Variants in CETN2 observed in about 807,000 individuals in gnomAD.
CETN2 encodes centrin 2, also known as centrin-2.
In CETN2, 2 loss-of-function variants were observed where a neutral mutation model predicts 12.6. That is an observed-to-expected ratio of 0.16 (90% CI 0.07 to 0.50). The LOEUF (loss-of-function observed/expected upper bound fraction) is 0.50, where lower values mean the gene tolerates loss of function less well. Among genes scored for constraint, CETN2 ranks in the 20% least tolerant of loss-of-function variants. The pLI is 0.96. For synonymous variants in CETN2, 41 were observed against 43.4 expected (o/e 0.94, Z 0.22); for missense variants, 81 against 128.3 (o/e 0.63, Z 1.78).
In CETN2 at chrX:152,827,952, G is replaced by A. The variant is rs782790921; in HGVS notation, c.430-22C>T. On this transcript the variant is annotated intron_variant, in intron 4 of 4. Transcript: ENST00000370277. Reference sequence around the variant, plus strand: ...TTTCCTATATGACAGTAAAGATTCAGGTTAATTTATAAACTAATGCCAAAA... The same window carrying A: ...TTTCCTATATGACAGTAAAGATTCAAGTTAATTTATAAACTAATGCCAAAA... 3.4e-6 allele frequency: 4 copies of A among 1,163,814 alleles called. No individual in the cohort carries two copies. In the Admixed American group the frequency reaches 9.1e-5, roughly 26 times the overall value.
chrX:152,830,726 C>G lies in CETN2; in HGVS notation c.-16G>C. 1.7e-6 allele frequency: 2 copies of G among 1,170,739 alleles called. No homozygotes were observed. Among genetic ancestry groups the G allele is most frequent in the Non-Finnish European group, 2.3e-6 (2 of 875,017 alleles). ...CACTCACCATAGCCAAAGGAGTCCG[C>G]TGCCGGTTGTTAGGCAACCGACGTG... is the stretch of plus-strand genomic sequence containing the variant. On this transcript the variant is annotated 5_prime_UTR_variant, in exon 1 of 5. Transcript: ENST00000370277.
chrX:152,829,090 C>A, intron 3 of CETN2, 59 bp downstream of exon 3: 1 of 1,175,024 alleles, frequency 8.5e-7, no homozygotes, highest in Non-Finnish European at 1.1e-6. Context: ...CAGGAAGACG[C>A]CATGGACCTC....
At chrX:152,829,443 TACTC>T (rs1556843044) in intron 2 of CETN2, among the ~76,000 whole-genome samples, 155 bp downstream of exon 2, 1 of 111,860 alleles carries the variant, frequency 8.9e-6, no homozygotes, top group Non-Finnish European at 1.9e-5. Context: ...TATTGAATAA[TACTC>T]AAAGTAAGTA....
At chrX:152,830,117 C>G (rs1277440312) in intron 1 of CETN2, among the ~76,000 whole-genome samples, 1 of 112,435 alleles carries the variant, frequency 8.9e-6, no homozygotes, top group Non-Finnish European at 1.9e-5. Context: ...AACAGTCTTA[C>G]GATGCCCACT....
intron 1 of CETN2, 27 bp from the exon 2 acceptor site, chrX:152,829,787 A>G (rs1556843107): frequency 4.4e-6 from 5 of 1,123,603 alleles, no homozygotes; most frequent in South Asian, 2.1e-5. Context: ...ATACACAAGC[A>G]CAATAATATA....
chrX:152,830,682 G>A (rs1479547282), intron 1 of CETN2, 26 bp downstream of exon 1: 2 of 1,177,293 alleles, frequency 1.7e-6, no homozygotes, highest in African/African-American at 1.8e-5. Context: ...GCTGGGCGTG[G>A]GGCGCGACAG....
intron 1 of CETN2, among the ~76,000 whole-genome samples, chrX:152,830,389 G>C (rs1451749261): frequency 1.8e-5 from 2 of 113,340 alleles, no homozygotes; most frequent in Non-Finnish European, 3.7e-5. Flanking sequence ...GGAGGCCAGG[G>C]GGCCAAGGTC....
At chrX:152,829,863 T>C (rs868985946) in intron 1 of CETN2, 103 bp from the exon 2 acceptor site, 2 of 650,348 alleles carry the variant, frequency 3.1e-6, no homozygotes, top group African/African-American at 4.4e-5. Flanking sequence ...GTCATTTATA[T>C]AACCAATTCC....
At chrX:152,829,039 G>T in intron 3 of CETN2, 110 bp downstream of exon 3, 7 of 936,404 alleles carry the variant, frequency 7.5e-6, no homozygotes, top group Non-Finnish European at 1.0e-5. Context: ...TCCTGATGCA[G>T]TTGCTACCTG....
At chrX:152,830,478 G>A (rs1371562686) in intron 1 of CETN2, among the ~76,000 whole-genome samples, 1 of 113,098 alleles carries the variant, frequency 8.8e-6, no homozygotes, top group Non-Finnish European at 1.9e-5. Flanking sequence ...GGAATGCAAG[G>A]GGAGCCCGAG....
At position 152,827,648 on chromosome X, in the gene CETN2, G is replaced by A. The variant is rs879975700; in HGVS notation, c.*193C>T. 2 of 348,530 alleles carry A rather than the reference G, an allele frequency of 5.7e-6. No individual in the cohort carries two copies. Among genetic ancestry groups the A allele is most frequent in the East Asian group, 4.2e-5 (1 of 24,082 alleles). 28.7% of individuals were successfully genotyped at this position (348,530 alleles called of 1,213,427 possible). On this transcript the variant is annotated 3_prime_UTR_variant, in exon 5 of 5. Coordinates refer to ENST00000370277, the MANE Select transcript of CETN2 (RefSeq NM_004344.3). ...TTGCTTTTGAGAATTAGGGTAATTCGCAGGTCATTTTACAAAGAACTGTAA... is the reference window on the plus strand; with the variant it reads ...TTGCTTTTGAGAATTAGGGTAATTCACAGGTCATTTTACAAAGAACTGTAA...
At chrX:152,828,068 C>T (rs1932968932) in intron 4 of CETN2, 138 bp from the exon 5 acceptor site, 1 of 479,914 alleles carries the variant, frequency 2.1e-6, no homozygotes, top group East Asian at 3.6e-5. Context: ...AGAGATCCTC[C>T]TGCCTCAGCC....
At position 152,830,735 on chromosome X, in the gene CETN2, G is replaced by T; in HGVS notation, c.-25C>A. Reference sequence around the variant, plus strand: ...TAGCCAAAGGAGTCCGCTGCCGGTTGTTAGGCAACCGACGTGTACACTGAC... The same window carrying T: ...TAGCCAAAGGAGTCCGCTGCCGGTTTTTAGGCAACCGACGTGTACACTGAC... On this transcript the variant is annotated 5_prime_UTR_variant, in exon 1 of 5. Coordinates refer to ENST00000370277, the MANE Select transcript of CETN2 (RefSeq NM_004344.3). The T allele has an allele frequency of 8.6e-7, 1 of 1,166,685 alleles. No homozygotes were observed. The highest frequency in any genetic ancestry group is 1.1e-6 in the Non-Finnish European group (1 of 872,860).
In CETN2 at chrX:152,829,140, G is replaced by A. The variant is rs370304608; in HGVS notation, c.291+9C>T. On this transcript the variant is annotated intron_variant, in intron 3 of 4. Transcript: ENST00000370277. ...GCTCCATACCATGATAATTGTCTTA[G>A]CTACTTACCATTTTCTGGGTCATCA... 3.6e-5 allele frequency: 43 copies of A among 1,207,924 alleles called. No individual in the cohort carries two copies. Among genetic ancestry groups the A allele is most frequent in the Non-Finnish European group, 3.4e-6 (3 of 894,251 alleles).
In CETN2 at chrX:152,827,980, T is replaced by C. The variant is rs202048659; in HGVS notation, c.430-50A>G. ...TAATTTATAAACTAATGCCAAAAGG[T>C]GACTAAGTAATAGACTTTTTTTTTT... is the stretch of plus-strand genomic sequence containing the variant. On this transcript the variant is annotated intron_variant, in intron 4 of 4. Transcript: ENST00000370277. 1.0e-5 allele frequency: 11 copies of C among 1,054,798 alleles called. No homozygotes were observed. The East Asian group carries it at 2.7e-4, about 26-fold the overall frequency. 86.9% of individuals were successfully genotyped at this position (1,054,798 alleles called of 1,213,427 possible).
rs782329655 is a variant in CETN2 at position 152,830,746 on chromosome X, G to A, written c.-36C>T. 1.1e-5 allele frequency: 13 copies of A among 1,157,745 alleles called. No homozygotes were observed. In the South Asian group the frequency reaches 2.2e-4, roughly 19 times the overall value. ...GTCCGCTGCCGGTTGTTAGGCAACC[G>A]ACGTGTACACTGACTCGGCGCCGTT... On this transcript the variant is annotated 5_prime_UTR_variant, in exon 1 of 5. Transcript: ENST00000370277.
At chrX:152,830,075 C>T (rs1932989814) in intron 1 of CETN2, among the ~76,000 whole-genome samples, 1 of 112,254 alleles carries the variant, frequency 8.9e-6, no homozygotes, top group South Asian at 3.7e-4. Flanking sequence ...AGATAATCAG[C>T]TCTTCCCGAA....
chrX:152,828,549 A>C lies in CETN2; in HGVS notation c.417T>G (p.Asp139Glu). 1.7e-6 allele frequency: 2 copies of C among 1,210,567 alleles called. No homozygotes were observed. Among genetic ancestry groups the C allele is most frequent in the African/African-American group, 3.5e-5 (2 of 57,824 alleles). Residue 139 changes from aspartate (D) to glutamate (E), a missense_variant, in exon 4 of 5, where the codon GAT becomes GAG. Physicochemically the swap from Asp to Glu is conservative, Grantham distance 45 (BLOSUM62 2). Coordinates refer to ENST00000370277, the MANE Select transcript of CETN2 (RefSeq NM_004344.3). ...VAKELGENLT[D>E]EELQEMIDEA... ...ATGCATTACAAACCTGCAGCTCCTC[A>C]TCAGTCAGGTTCTCACCCAACTCCT...
At chrX:152,828,159 G>T (rs1228427132) in intron 4 of CETN2, among the ~76,000 whole-genome samples, 3 of 111,272 alleles carry the variant, frequency 2.7e-5, no homozygotes, top group African/African-American at 9.8e-5. Context: ...TAGATAATTT[G>T]TATCTATGTG....
Sources: allele counts gnomAD v4.1 joint callset (sites outside exome capture counted in the v4.1 genomes callset), GRCh38; gene constraint gnomAD v4.1.1; transcripts MANE v1.5; gene names NCBI Gene and HGNC (gene_info 2026-07-23, HGNC 2026-07-21).